CCSER1: variants seen among roughly 807,000 people sequenced by gnomAD.
CCSER1 encodes the protein serine-rich coiled-coil domain-containing protein 1.
CCSER1 carries 41 observed loss-of-function variants against 82.0 expected under a neutral mutation model. The observed-to-expected ratio is 0.50, with a 90% CI of 0.39 to 0.65. CCSER1 has a LOEUF of 0.65. Among genes scored for constraint, CCSER1 ranks in the 30% least tolerant of loss-of-function variants. The pLI is 0.00. For missense variants in CCSER1, 1,119 were observed against 1,064.2 expected, an observed-to-expected ratio of 1.05 and a Z score of -0.72; for synonymous variants, 414 against 383.9, an observed-to-expected ratio of 1.08 and a Z score of -0.92.
intron 4 of CCSER1, among the ~76,000 whole-genome samples, chr4:90,438,065 G>A (rs1759304198): frequency 6.6e-6 from 1 of 152,060 alleles, no homozygotes; most frequent in Non-Finnish European, 1.5e-5. Context: ...TAAAGTTATT[G>A]TGAAATTAAA....
In CCSER1 at chr4:90,897,093, C is replaced by CT. The variant is rs964205204; in HGVS notation, c.2095-26269dup. Among the ~76,000 whole-genome samples the CT allele has an allele frequency of 7.3e-5, 11 of 151,674 alleles. No homozygotes were observed. The East Asian group carries it at 1.7e-3, about 24-fold the overall frequency. On this transcript the variant is annotated intron_variant, in intron 8 of 10. Transcript: ENST00000509176. ...GTTTTATATTTGGGGACCAATTACA[C>CT]TTTTTTTTACTCTAAATAATATATA...
At chr4:91,101,101 G>A (rs1725014179) in intron 10 of CCSER1, among the ~76,000 whole-genome samples, 1 of 152,160 alleles carries the variant, frequency 6.6e-6, no homozygotes, top group Admixed American at 6.5e-5. Flanking sequence ...CAAAATCACT[G>A]TGGGATGATA....
intron 10 of CCSER1, among the ~76,000 whole-genome samples, chr4:91,376,545 A>C (rs1750427215): frequency 1.3e-5 from 2 of 152,164 alleles, no homozygotes; most frequent in Non-Finnish European, 2.9e-5. Flanking sequence ...GGAAATTTCA[A>C]AGGTCAATAA....
chr4:91,395,550 T>C (rs888848919), intron 10 of CCSER1, among the ~76,000 whole-genome samples: 8 of 152,044 alleles, frequency 5.3e-5, no homozygotes, highest in Non-Finnish European at 1.2e-4. Flanking sequence ...CTGAAGGATG[T>C]GGGGAGTCCA....
intron 3 of CCSER1, among the ~76,000 whole-genome samples, chr4:90,340,179 A>G (rs1489456114): frequency 6.6e-6 from 1 of 152,168 alleles, no homozygotes; most frequent in Non-Finnish European, 1.5e-5. Context: ...GTTCTGAATT[A>G]CATATTAATT....
At chr4:90,817,959 A>C (rs1250793620) in intron 8 of CCSER1, among the ~76,000 whole-genome samples, 1 of 152,132 alleles carries the variant, frequency 6.6e-6, no homozygotes, top group African/African-American at 2.4e-5. Flanking sequence ...AAACCAGTTG[A>C]GTTATACCCT....
At chr4:91,222,268 A>G (rs1737815081) in intron 10 of CCSER1, among the ~76,000 whole-genome samples, 1 of 151,524 alleles carries the variant, frequency 6.6e-6, no homozygotes, top group Non-Finnish European at 1.5e-5. Context: ...CCAGACTGAA[A>G]CAAAGTCTGA....
intron 10 of CCSER1, among the ~76,000 whole-genome samples, chr4:91,299,585 T>C (rs557834803): frequency 6.3e-4 from 96 of 152,084 alleles, no homozygotes; most frequent in African/African-American, 2.2e-3. Flanking sequence ...GCTAACTAGT[T>C]TGATTCCAGT....
At chr4:91,172,942 T>G (rs916275228) in intron 10 of CCSER1, among the ~76,000 whole-genome samples, 10 of 152,222 alleles carry the variant, frequency 6.6e-5, no homozygotes, top group African/African-American at 2.4e-4. Context: ...TTGTTTTATC[T>G]TTAAATCTCC....
intron 10 of CCSER1, among the ~76,000 whole-genome samples, chr4:91,559,528 C>T (rs1762557593): frequency 6.6e-6 from 1 of 151,494 alleles, no homozygotes; most frequent in Non-Finnish European, 1.5e-5. Flanking sequence ...TTTACTAATC[C>T]ATCTGGCCAT....
intron 10 of CCSER1, among the ~76,000 whole-genome samples, chr4:91,167,790 A>G (rs1251197777): frequency 6.6e-6 from 1 of 152,244 alleles, no homozygotes; most frequent in Non-Finnish European, 1.5e-5. Flanking sequence ...CTACCTTGCC[A>G]TGTTTATCAT....
At chr4:90,597,144 C>T (rs1783439780) in intron 5 of CCSER1, among the ~76,000 whole-genome samples, 1 of 151,838 alleles carries the variant, frequency 6.6e-6, no homozygotes, top group South Asian at 2.1e-4. Context: ...ATCAAGTAAG[C>T]CCATGGACTT....
intron 5 of CCSER1, among the ~76,000 whole-genome samples, chr4:90,595,276 G>T (rs975303503): frequency 2.6e-5 from 4 of 151,838 alleles, no homozygotes; most frequent in Non-Finnish European, 5.9e-5. Context: ...AAATACTGTT[G>T]CCTCAAACAG....
intron 10 of CCSER1, among the ~76,000 whole-genome samples, chr4:91,516,266 G>C (rs1422806662): frequency 1.3e-5 from 2 of 152,004 alleles, no homozygotes; most frequent in Non-Finnish European, 2.9e-5. Flanking sequence ...TGGCATCTTT[G>C]TCATGAAATC....
At chr4:90,654,563 G>A (rs885209) in intron 6 of CCSER1, among the ~76,000 whole-genome samples, 78,000 of 151,820 alleles carry the variant, frequency 0.51, 20,266 homozygotes, top group Middle Eastern at 0.67. Flanking sequence ...ATAGCATTGC[G>A]ATTTTTTAAA....
chr4:91,008,009 AGAGT>A (rs1317053237), intron 9 of CCSER1, among the ~76,000 whole-genome samples: 7 of 152,142 alleles, frequency 4.6e-5, no homozygotes, highest in Admixed American at 3.9e-4. Context: ...TTGGCCGCCA[AGAGT>A]GTGATGTTTA....
intron 10 of CCSER1, among the ~76,000 whole-genome samples, chr4:91,411,491 C>CATATATATATATATATATGTAT (rs1753022819): frequency 1.9e-5 from 1 of 53,812 alleles, no homozygotes; most frequent in Non-Finnish European, 3.3e-5. Flanking sequence ...TGCATATATA[C>CATATATATATATATATATGTAT]ATATATATAT....
intron 3 of CCSER1, among the ~76,000 whole-genome samples, chr4:90,324,254 C>T (rs1251112249): frequency 6.6e-6 from 1 of 152,128 alleles, no homozygotes; most frequent in Non-Finnish European, 1.5e-5. Context: ...CACTGACTTC[C>T]ACAATGGTTG....
intron 10 of CCSER1, among the ~76,000 whole-genome samples, chr4:91,158,479 C>G (rs756081324): frequency 6.6e-6 from 1 of 151,874 alleles, no homozygotes; most frequent in Non-Finnish European, 1.5e-5. Flanking sequence ...GGAAATTTTG[C>G]TCCACTATCA....
Sources: allele counts gnomAD v4.1 joint callset (sites outside exome capture counted in the v4.1 genomes callset), GRCh38; gene constraint gnomAD v4.1.1; transcripts MANE v1.5; gene names NCBI Gene and HGNC (gene_info 2026-07-23, HGNC 2026-07-21).